The following USP6 variants were observed in gnomAD, a reference collection of about 807,000 sequenced individuals.
The protein encoded by USP6 is ubiquitin carboxyl-terminal hydrolase 6.
A neutral mutation model predicts 175.7 loss-of-function variants in USP6; 128 were observed. That is an observed-to-expected ratio of 0.73 (90% CI 0.63 to 0.84). The LOEUF is 0.84. Among genes scored for constraint, USP6 ranks in the 40% least tolerant of loss-of-function variants. The probability of loss-of-function intolerance (pLI) is 0.00; values close to 1 mark genes in which losing one functional copy is unlikely to be tolerated. For synonymous variants in USP6, 562 were observed against 630.6 expected (o/e 0.89, Z 1.63); for missense variants, 1,498 against 1,760.3 (o/e 0.85, Z 2.67).
At position 5,125,252 on chromosome 17, in the gene USP6, T is replaced by C; in HGVS notation, c.-612T>C. The C allele has an allele frequency of 6.3e-6, 1 of 158,832 alleles. No individual in the cohort carries two copies. The highest frequency in any genetic ancestry group is 1.4e-5 in the Non-Finnish European group (1 of 73,154). 9.8% of individuals were successfully genotyped at this position (158,832 alleles called of 1,614,324 possible). ...AGTTGCAGGAAAACAAGTTCAGGGC[T>C]CCCACTGATTCTACATTATGGTGAG... On this transcript the variant is annotated 5_prime_UTR_variant, in exon 5 of 38. Coordinates refer to ENST00000574788, the MANE Select transcript of USP6 (RefSeq NM_001304284.2).
chr17:5,121,659 G>T lies in USP6; in HGVS notation c.-1390G>T. On this transcript the variant is annotated 5_prime_UTR_variant, in exon 4 of 38. Transcript: ENST00000574788. ...GCTCTGCTGCGACGCGGAGCACCAG[G>T]ACCATGAGCACCAGGTCCTTCTGGA... The T allele has an allele frequency of 6.3e-6, 1 of 159,866 alleles. No individual in the cohort carries two copies. Among genetic ancestry groups the T allele is most frequent in the South Asian group, 1.7e-4 (1 of 5,856 alleles). 9.9% of individuals were successfully genotyped at this position (159,866 alleles called of 1,614,324 possible).
intron 30 of USP6, among the ~76,000 whole-genome samples, chr17:5,152,316 T>A (rs2073792035): frequency 1.3e-5 from 2 of 151,578 alleles, no homozygotes; most frequent in African/African-American, 4.9e-5. Flanking sequence ...ATGATATCAG[T>A]GCACTCACCT....
chr17:5,169,356 G>A (rs1221561325), intron 35 of USP6, among the ~76,000 whole-genome samples: 2 of 152,168 alleles, frequency 1.3e-5, no homozygotes, highest in Admixed American at 1.3e-4. Flanking sequence ...CTGCTGTCTT[G>A]TCCCCTTATA....
chr17:5,117,411 G>C (rs2143683310), intron 1 of USP6, among the ~76,000 whole-genome samples: 1 of 151,934 alleles, frequency 6.6e-6, no homozygotes, highest in Middle Eastern at 3.4e-3. Flanking sequence ...AGCTACTCAG[G>C]AGGCTGAGGC....
chr17:5,124,227 C>G lies in USP6; in HGVS notation c.-1298-339C>G, dbSNP rs527835820. ...CTTGGTCAGTGAGTGGGCTGAAGCA[C>G]CCACTGGGACAGGGTGGCTGAGAAC... On this transcript the variant is annotated intron_variant, in intron 4 of 37. Coordinates refer to ENST00000574788, the MANE Select transcript of USP6 (RefSeq NM_001304284.2). Among the ~76,000 whole-genome samples, 17 of 152,308 alleles carry G rather than the reference C, an allele frequency of 1.1e-4. No homozygotes were observed. In the South Asian group the frequency reaches 3.5e-3, roughly 32 times the overall value.
chr17:5,163,518 C>T (rs754308930), intron 33 of USP6, among the ~76,000 whole-genome samples: 7 of 152,180 alleles, frequency 4.6e-5, no homozygotes, highest in Non-Finnish European at 1.0e-4. Context: ...GAGTTTCACC[C>T]CTGTGACCGA....
Position 5,139,437 on chromosome 17 carries a change from C to A in USP6, c.1261C>A (p.Arg421=). The A allele has an allele frequency of 6.2e-7, 1 of 1,613,068 alleles. No individual in the cohort carries two copies. The highest frequency in any genetic ancestry group is 1.1e-5 in the South Asian group (1 of 91,028). ...FSTPCPGGAV[R]EDTYPVGTQG... ...CACGCCCTGTCCTGGTGGGGCTGTC[C>A]GGGAAGACACGTACCCTGTGGGCAC... The change falls in exon 22 of 38, where the codon CGG becomes AGG. Residue 421 remains arginine (R), a synonymous_variant. Coordinates refer to ENST00000574788, the MANE Select transcript of USP6 (RefSeq NM_001304284.2).
chr17:5,163,933 A>T (rs926147457), intron 33 of USP6, among the ~76,000 whole-genome samples: 1 of 152,226 alleles, frequency 6.6e-6, no homozygotes, highest in Non-Finnish European at 1.5e-5. Context: ...AGCAATTTTT[A>T]AATTTTGAAA....
chr17:5,126,562 C>T (rs1409453079), intron 6 of USP6, among the ~76,000 whole-genome samples: 1 of 152,196 alleles, frequency 6.6e-6, no homozygotes, highest in East Asian at 1.9e-4. Context: ...GCACGTCTCT[C>T]TCTGTCTCTT....
chr17:5,151,588 T>C (rs1210756628), intron 30 of USP6, among the ~76,000 whole-genome samples: 1 of 152,122 alleles, frequency 6.6e-6, no homozygotes, highest in Admixed American at 6.6e-5. Context: ...CATCCAGATA[T>C]CAAGATTTAT....
intron 31 of USP6, among the ~76,000 whole-genome samples, chr17:5,159,773 G>A (rs1567808480): frequency 1.3e-5 from 2 of 152,042 alleles, no homozygotes; most frequent in African/African-American, 4.8e-5. Context: ...GACCAGGCTG[G>A]ACAACATGGC....
chr17:5,157,320 A>C (rs1235188459), intron 31 of USP6, among the ~76,000 whole-genome samples: 1 of 152,128 alleles, frequency 6.6e-6, no homozygotes, highest in Non-Finnish European at 1.5e-5. Flanking sequence ...TCCTGACCTC[A>C]AGTGATCTGC....
rs558318629 is a variant in USP6, at chr17:5,117,715, G to A, written c.-1927-485G>A. 4.6e-5 allele frequency among the ~76,000 whole-genome samples: 7 copies of A among 152,116 alleles called. No individual in the cohort carries two copies. In the East Asian group the frequency reaches 9.6e-4, roughly 21 times the overall value. On this transcript the variant is annotated intron_variant, in intron 1 of 37. Coordinates refer to ENST00000574788, the MANE Select transcript of USP6 (RefSeq NM_001304284.2). ...CATTCCAGCTGCCCTGTAGAGAAGCGTTGGAATCAGGGAGGCATGTTAGGA... is the reference window on the plus strand; with the variant it reads ...CATTCCAGCTGCCCTGTAGAGAAGCATTGGAATCAGGGAGGCATGTTAGGA...
Position 5,116,221 on chromosome 17 carries a change from A to C in USP6, c.-2447A>C, listed in dbSNP as rs545407841. Among the ~76,000 whole-genome samples the C allele has an allele frequency of 7.2e-6, 1 of 138,500 alleles. No individual in the cohort carries two copies. The highest frequency in any genetic ancestry group is 2.5e-5 in the African/African-American group (1 of 40,296). The allele number at this position is 138,500 out of a possible 152,430, so 90.9% of individuals were successfully genotyped here. A position where few individuals can be genotyped will look rare whatever the true frequency, so the allele number is the denominator to read the frequency against. ...GCCGCGGGCAGCGCTCGAGACGCTC[A>C]TTGAGAGGACTTCCCGCCTGCGGGC... is the stretch of plus-strand genomic sequence containing the variant. On this transcript the variant is annotated 5_prime_UTR_variant, in exon 1 of 38. Transcript: ENST00000574788.
intron 4 of USP6, among the ~76,000 whole-genome samples, chr17:5,123,304 G>T (rs975091929): frequency 3.3e-5 from 5 of 152,060 alleles, no homozygotes; most frequent in South Asian, 2.1e-4. Flanking sequence ...CCGCCGGTGG[G>T]GGGGTGGTAG....
chr17:5,134,023 C>T, intron 15 of USP6, 27 bp downstream of exon 15: 1 of 1,606,148 alleles, frequency 6.2e-7, no homozygotes, highest in Non-Finnish European at 8.5e-7. Context: ...CACACAGTCC[C>T]AGCAGAGATG....
At chr17:5,172,046 A>C (rs2074230159) in intron 37 of USP6, among the ~76,000 whole-genome samples, 1 of 150,996 alleles carries the variant, frequency 6.6e-6, no homozygotes, top group South Asian at 2.1e-4. Context: ...ATGTTGGCGC[A>C]TGCCTGTAAT....
At position 5,162,967 on chromosome 17, in the gene USP6, CAG is replaced by C. The variant is rs1251058526; in HGVS notation, c.3000_3001del (p.Ala1001ProfsTer15). The C allele has an allele frequency of 1.3e-6, 2 of 1,597,924 alleles. No individual in the cohort carries two copies. The highest frequency in any genetic ancestry group is 2.7e-5 in the African/African-American group (2 of 73,834). ...TATATTGCTGTGGATTGGCACCCCA[CAG>C]CCCTTCACCTTCGCTATCAAACATC... On this transcript the variant is annotated frameshift_variant, in exon 33 of 38. Transcript: ENST00000574788. LOFTEE classifies it high-confidence loss of function.
Position 5,172,805 on chromosome 17 carries a change from G to A in USP6, c.4048G>A (p.Glu1350Lys). 3.1e-6 allele frequency: 5 copies of A among 1,613,018 alleles called. No individual in the cohort carries two copies. The highest frequency in any genetic ancestry group is 4.2e-6 in the Non-Finnish European group (5 of 1,179,792). ...TTAAAGGTTTTTCTTGCCCTTTCAGGAACTTCACCCTGATGAAATTGACAC... is the reference window on the plus strand; with the variant it reads ...TTAAAGGTTTTTCTTGCCCTTTCAGAAACTTCACCCTGATGAAATTGACAC... ...WYCYNDSSCE[E>K]LHPDEIDTDS... is the part of the protein sequence containing the mutation. The change falls in exon 38 of 38, where the codon GAA becomes AAA. Residue 1350 changes from glutamate to lysine, a missense_variant and splice_region_variant. Around this residue, in one of 2 missense-constraint regions of USP6, gnomAD observed 1,217 missense variants for 1,500.8 expected, o/e 0.81. Coordinates refer to ENST00000574788, the MANE Select transcript of USP6 (RefSeq NM_001304284.2).
Sources: gnomAD v4.1 joint callset for allele counts (sites outside exome capture counted in the v4.1 genomes callset) on GRCh38, gnomAD v4.1.1 for gene constraint, gnomAD v4.1.1 regional missense constraint, MANE v1.5 for transcripts, NCBI Gene and HGNC (gene_info 2026-07-23, HGNC 2026-07-21) for gene names.